Variants in DLGAP1 observed in about 807,000 individuals in gnomAD.
DLGAP1 encodes disks large-associated protein 1.
Under a neutral mutation model 90.8 loss-of-function variants are expected in DLGAP1, and 11 were observed. The observed-to-expected ratio is 0.12, with a 90% CI of 0.08 to 0.20. DLGAP1 has a LOEUF of 0.20. DLGAP1 is among the 10% of genes least tolerant of loss of function. The pLI, the probability that DLGAP1 is intolerant of heterozygous loss-of-function variation, is 1.00. For missense variants in DLGAP1, 1,050 were observed against 1,333.8 expected (o/e 0.79, Z 3.31); for synonymous variants, 558 against 540.7 (o/e 1.03, Z -0.44).
At chr18:3,853,911 G>C (rs575878135) in intron 4 of DLGAP1, among the ~76,000 whole-genome samples, 7 of 152,024 alleles carry the variant, frequency 4.6e-5, no homozygotes, top group African/African-American at 1.4e-4. Flanking sequence ...ATTTCTGTTA[G>C]TGTTTATATT....
chr18:3,725,870 G>A (rs1431956688), intron 7 of DLGAP1, among the ~76,000 whole-genome samples: 1 of 152,150 alleles, frequency 6.6e-6, no homozygotes, highest in Admixed American at 6.5e-5. Context: ...ACCTAGAGCT[G>A]AGCCCATCTT....
chr18:3,612,424 T>G (rs2057679986), intron 7 of DLGAP1, among the ~76,000 whole-genome samples: 1 of 152,238 alleles, frequency 6.6e-6, no homozygotes, highest in Non-Finnish European at 1.5e-5. Context: ...AACAGTTCCA[T>G]AAGGGGAATC....
intron 5 of DLGAP1, among the ~76,000 whole-genome samples, chr18:3,756,217 T>A (rs780700607): frequency 1.3e-5 from 2 of 151,930 alleles, no homozygotes; most frequent in Non-Finnish European, 2.9e-5. Context: ...GCCCGGCTAA[T>A]CTTTTGTATT....
chr18:3,575,742 C>A (rs372360381), intron 8 of DLGAP1, among the ~76,000 whole-genome samples: 1 of 152,264 alleles, frequency 6.6e-6, no homozygotes, highest in South Asian at 2.1e-4. Context: ...TTTAGACATA[C>A]AACTTTGCTC....
At chr18:3,549,434 G>T (rs1025503814) in intron 9 of DLGAP1, among the ~76,000 whole-genome samples, 2 of 151,736 alleles carry the variant, frequency 1.3e-5, no homozygotes, top group Non-Finnish European at 2.9e-5. Context: ...CCAGGTTCAA[G>T]GGATTCTCCT....
chr18:4,159,398 C>G (rs4621072), intron 1 of DLGAP1, among the ~76,000 whole-genome samples: 1 of 152,066 alleles, frequency 6.6e-6, no homozygotes, highest in Admixed American at 6.6e-5. Flanking sequence ...ACTCAACCTC[C>G]GGCTTTTGAA....
intron 1 of DLGAP1, among the ~76,000 whole-genome samples, chr18:4,216,941 G>A (rs983848547): frequency 1.3e-5 from 2 of 151,984 alleles, no homozygotes; most frequent in African/African-American, 4.8e-5. Context: ...ACAGTTCAAG[G>A]AATTTTGACA....
At chr18:3,989,305 A>T (rs989656015) in intron 3 of DLGAP1, among the ~76,000 whole-genome samples, 2 of 152,232 alleles carry the variant, frequency 1.3e-5, no homozygotes, top group African/African-American at 4.8e-5. Flanking sequence ...GTGTTTTAAT[A>T]AAGTGGCAAA....
At chr18:3,751,861 A>ACTTCTT (rs376133799) in intron 5 of DLGAP1, among the ~76,000 whole-genome samples, 10 of 114,988 alleles carry the variant, frequency 8.7e-5, no homozygotes, top group African/African-American at 2.4e-4. Flanking sequence ...CTGTGCCCGG[A>ACTTCTT]CTTCTTCTTC....
At chr18:4,175,950 C>T (rs904767019) in intron 1 of DLGAP1, among the ~76,000 whole-genome samples, 3 of 152,162 alleles carry the variant, frequency 2.0e-5, no homozygotes, top group Non-Finnish European at 2.9e-5. Flanking sequence ...GTAGTTTTCT[C>T]TAATTCTGCG....
chr18:3,675,548 G>T (rs1471866934), intron 7 of DLGAP1, among the ~76,000 whole-genome samples: 2 of 152,204 alleles, frequency 1.3e-5, no homozygotes, highest in Non-Finnish European at 2.9e-5. Context: ...CGTCTCCAAA[G>T]ATCTGTTGCT....
At chr18:4,308,573 T>C (rs997347671) in intron 1 of DLGAP1, among the ~76,000 whole-genome samples, 5 of 152,186 alleles carry the variant, frequency 3.3e-5, no homozygotes, top group Admixed American at 1.3e-4. Flanking sequence ...CATTCAGATA[T>C]AGGAAAATCA....
At chr18:3,833,235 T>A (rs2068164109) in intron 4 of DLGAP1, among the ~76,000 whole-genome samples, 1 of 125,716 alleles carries the variant, frequency 8.0e-6, no homozygotes, top group Non-Finnish European at 1.6e-5. Context: ...CCTTCCTTCC[T>A]TCCTCCTTGT....
intron 4 of DLGAP1, among the ~76,000 whole-genome samples, chr18:3,870,923 A>C (rs997807114): frequency 6.6e-6 from 1 of 152,218 alleles, no homozygotes; most frequent in Admixed American, 6.5e-5. Flanking sequence ...TTTTCTTTGG[A>C]AGTTAAAATA....
chr18:3,593,285 C>A (rs2056384085), intron 7 of DLGAP1, among the ~76,000 whole-genome samples: 1 of 152,202 alleles, frequency 6.6e-6, no homozygotes, highest in Non-Finnish European at 1.5e-5. Flanking sequence ...TGCACAGTTG[C>A]AACTTTTAAA....
At chr18:4,079,547 G>A (rs1484782977) in intron 2 of DLGAP1, among the ~76,000 whole-genome samples, 4 of 151,796 alleles carry the variant, frequency 2.6e-5, no homozygotes, top group South Asian at 2.1e-4. Context: ...GGGGAGGGTG[G>A]GAGAAGGTAA....
At chr18:3,682,116 CAAAA>C (rs56914443) in intron 7 of DLGAP1, among the ~76,000 whole-genome samples, 1 of 111,954 alleles carries the variant, frequency 8.9e-6, no homozygotes, top group South Asian at 3.4e-4. Context: ...GACCCTGTCT[CAAAA>C]AAAAAAAAAA....
At chr18:3,921,227 C>T (rs1009336781) in intron 3 of DLGAP1, among the ~76,000 whole-genome samples, 2 of 151,970 alleles carry the variant, frequency 1.3e-5, no homozygotes, top group South Asian at 2.1e-4. Flanking sequence ...TTGGGCAAGG[C>T]GATTCAATAT....
intron 4 of DLGAP1, among the ~76,000 whole-genome samples, chr18:3,818,528 T>A (rs2067224697): frequency 6.6e-6 from 1 of 151,872 alleles, no homozygotes. Flanking sequence ...CCCAGCTACT[T>A]TTTGTATTGC....
Sources: gnomAD v4.1 joint callset for allele counts (sites outside exome capture counted in the v4.1 genomes callset) on GRCh38, gnomAD v4.1.1 for gene constraint, MANE v1.5 for transcripts, NCBI Gene and HGNC (gene_info 2026-07-23, HGNC 2026-07-21) for gene names.